Variants in CUBN observed in about 807,000 individuals in gnomAD.
CUBN encodes cubilin.
CUBN carries 282 observed loss-of-function variants against 405.3 expected under a neutral mutation model. That is an observed-to-expected ratio of 0.70 (90% CI 0.63 to 0.77). The LOEUF is 0.77. Ranked by LOEUF, CUBN falls within the 30% of genes least tolerant of loss-of-function variation. CUBN has a pLI of 0.00. For synonymous variants in CUBN, 1,684 were observed against 1,617.0 expected (o/e 1.04, Z -0.99); for missense variants, 4,514 against 4,475.2 (o/e 1.01, Z -0.25).
chr10:16,928,190 T>C lies in CUBN; in HGVS notation c.6238A>G (p.Thr2080Ala), dbSNP rs770959140. ...AAGGATGCATTGAAGCCTGCCCTGG[T>C]TACACTGGAGTCCGAGGTGAAGCGG... ...FIRFTSDSSV[T>A]RAGFNASFHK... is the part of the protein sequence containing the mutation. The change falls in exon 41 of 67, where the codon ACC becomes GCC. Residue 2080 changes from threonine to alanine, a missense_variant. Thr to Ala is a moderately conservative substitution (Grantham distance 58). This residue lies in a region of CUBN where 1,613 missense variants were observed against 1,542.8 expected (regional missense o/e 1.05). Coordinates refer to ENST00000377833, the MANE Select transcript of CUBN (RefSeq NM_001081.4). 6.2e-7 allele frequency: 1 copy of C among 1,613,930 alleles called. No homozygotes were observed. Among genetic ancestry groups the C allele is most frequent in the South Asian group, 1.1e-5 (1 of 91,072 alleles).
intron 17 of CUBN, among the ~76,000 whole-genome samples, chr10:17,082,988 T>C (rs553504344): frequency 3.2e-3 from 489 of 152,252 alleles, no homozygotes; most frequent in Admixed American, 5.4e-3. Flanking sequence ...TAAAGTCTTA[T>C]AATAGTGCCT....
intron 13 of CUBN, among the ~76,000 whole-genome samples, chr10:17,102,595 C>CTTTT (rs11357524): frequency 3.2e-5 from 2 of 63,144 alleles, no homozygotes; most frequent in Non-Finnish European, 6.0e-5. Context: ...CCTTGTTACT[C>CTTTT]TTTTTTTTTT....
chr10:16,933,649 G>A lies in CUBN; in HGVS notation c.5927-365C>T, dbSNP rs141915733. On this transcript the variant is annotated intron_variant, in intron 39 of 66. Transcript: ENST00000377833. ...TCTCATGTTTCTTTATCATTTTTGC[G>A]TAGTTACTTTTGTAATTTATATCTA... is the stretch of plus-strand genomic sequence containing the variant. Among the ~76,000 whole-genome samples, 548 of 151,924 alleles carry A rather than the reference G, an allele frequency of 3.6e-3. 13 individuals carry two copies. Among genetic ancestry groups the A allele is most frequent in the East Asian group, 4.3e-3 (22 of 5,174 alleles).
intron 22 of CUBN, among the ~76,000 whole-genome samples, chr10:17,056,295 G>A (rs922127113): frequency 1.3e-5 from 2 of 152,082 alleles, no homozygotes; most frequent in African/African-American, 2.4e-5. Context: ...CATAGAACAC[G>A]TATAAAATCT....
At chr10:16,989,009 G>A (rs149268716) in intron 29 of CUBN, among the ~76,000 whole-genome samples, 14 of 152,316 alleles carry the variant, frequency 9.2e-5, no homozygotes, top group South Asian at 2.1e-4. Flanking sequence ...AATCAGAGAC[G>A]TTGATGCTTT....
chr10:16,901,891 A>G (rs1245913239), intron 51 of CUBN, among the ~76,000 whole-genome samples: 1 of 2,448 alleles, frequency 4.1e-4, no homozygotes, highest in African/African-American at 5.7e-4. Flanking sequence ...CATATATAGT[A>G]TATATATATA....
At chr10:16,982,430 A>G (rs752048060) in intron 31 of CUBN, 54 bp downstream of exon 31, 1 of 1,459,764 alleles carries the variant, frequency 6.9e-7, no homozygotes, top group Non-Finnish European at 9.6e-7. Context: ...CTTATATGGC[A>G]GTGTTTTGAC....
At chr10:16,948,162 C>T (rs1442748527) in intron 35 of CUBN, among the ~76,000 whole-genome samples, 4 of 152,142 alleles carry the variant, frequency 2.6e-5, no homozygotes, top group Non-Finnish European at 5.9e-5. Context: ...TGAGCCAAGA[C>T]CGTGCCATTG....
intron 14 of CUBN, among the ~76,000 whole-genome samples, chr10:17,098,549 G>A (rs193125671): frequency 5.3e-5 from 8 of 152,146 alleles, no homozygotes; most frequent in South Asian, 2.1e-4. Flanking sequence ...ACTTTTATTC[G>A]GCTTGGTATT....
intron 64 of CUBN, among the ~76,000 whole-genome samples, chr10:16,834,506 C>A (rs1839110491): frequency 6.6e-6 from 1 of 152,104 alleles, no homozygotes; most frequent in African/African-American, 2.4e-5. Flanking sequence ...CCCCCTGAGA[C>A]CAGGGAGCAT....
At chr10:16,887,376 T>C (rs1322966117) in intron 56 of CUBN, among the ~76,000 whole-genome samples, 2 of 152,260 alleles carry the variant, frequency 1.3e-5, no homozygotes, top group Non-Finnish European at 2.9e-5. Context: ...ATAATACTTG[T>C]ATTCTTTAAA....
Position 17,071,855 on chromosome 10 carries a change from T to G in CUBN, c.2418A>C (p.Lys806Asn), listed in dbSNP as rs764656350. The G allele has an allele frequency of 6.2e-7, 1 of 1,612,880 alleles. No homozygotes were observed. Among genetic ancestry groups the G allele is most frequent in the Non-Finnish European group, 8.5e-7 (1 of 1,179,748 alleles). The part of the protein sequence containing the change: ...IRFKIDASVE[K>N]ASFRAVYQVA... ...CTTGATAAACAGCTCTGAAACTAGCTTTTTCAACAGAAGCATCTATTTTAA... is the reference window on the plus strand; with the variant it reads ...CTTGATAAACAGCTCTGAAACTAGCGTTTTCAACAGAAGCATCTATTTTAA... The change falls in exon 18 of 67, where the codon AAA becomes AAC. Residue 806 changes from lysine (K) to asparagine (N), a missense_variant. Around this residue, in one of 5 missense-constraint regions of CUBN, gnomAD observed 1,448 missense variants for 1,388.0 expected, o/e 1.04. Transcript: ENST00000377833.
At chr10:16,979,491 G>A (rs1833201850) in intron 31 of CUBN, among the ~76,000 whole-genome samples, 1 of 152,114 alleles carries the variant, frequency 6.6e-6, no homozygotes, top group Non-Finnish European at 1.5e-5. Flanking sequence ...TACCAAAAGA[G>A]ATATACAGAC....
intron 28 of CUBN, among the ~76,000 whole-genome samples, chr10:17,001,287 C>A (rs376853151): frequency 1.1e-4 from 16 of 152,324 alleles, no homozygotes; most frequent in South Asian, 1.0e-3. Context: ...GCGTGCAGGG[C>A]AACCCCAGTG....
At chr10:17,060,726 T>C (rs76582872) in intron 22 of CUBN, among the ~76,000 whole-genome samples, 3,155 of 152,194 alleles carry the variant, frequency 0.021, 49 homozygotes, top group East Asian at 0.066. Flanking sequence ...TCGATAGAAA[T>C]AATCAGAGAG....
chr10:17,004,642 T>A (rs60918373), intron 28 of CUBN, among the ~76,000 whole-genome samples: 20,750 of 150,730 alleles, frequency 0.14, 1,622 homozygotes, highest in South Asian at 0.21. Flanking sequence ...TACTCCACCA[T>A]CAGATCTGCC....
rs1841338929 is a variant in CUBN at position 16,900,770 on chromosome 10, AG to A, written c.8264del (p.Pro2755LeufsTer6). 6.2e-7 allele frequency: 1 copy of A among 1,614,004 alleles called. No individual in the cohort carries two copies. Among genetic ancestry groups the A allele is most frequent in the African/African-American group, 1.3e-5 (1 of 75,044 alleles). On this transcript the variant is annotated frameshift_variant, in exon 53 of 67. Transcript: ENST00000377833. LOFTEE classifies it high-confidence loss of function. Reference protein sequence around the residue: ...DSVTVRNGGSPESPIIGQYCG... With the variant: ...DSVTVRNGGSXESPIIGQYCG... ...AGTATTGTCCTATGATGGGTGATTC[AG>A]GGGACCCACCATTCCTGACAGTGAC...
intron 14 of CUBN, among the ~76,000 whole-genome samples, chr10:17,098,275 A>G (rs558647946): frequency 4.6e-5 from 7 of 152,330 alleles, no homozygotes; most frequent in African/African-American, 1.7e-4. Context: ...TAACTGCTGA[A>G]TAGATTTCAA....
At chr10:17,086,629 A>T (rs1032566135) in intron 15 of CUBN, among the ~76,000 whole-genome samples, 4 of 152,198 alleles carry the variant, frequency 2.6e-5, no homozygotes, top group African/African-American at 9.6e-5. Flanking sequence ...TAATCATGTC[A>T]ATCTCTCTAT....
Sources: gnomAD v4.1 joint callset for allele counts (sites outside exome capture counted in the v4.1 genomes callset) on GRCh38, gnomAD v4.1.1 for gene constraint, gnomAD v4.1.1 regional missense constraint, MANE v1.5 for transcripts, NCBI Gene and HGNC (gene_info 2026-07-23, HGNC 2026-07-21) for gene names.